PRKD1: variants seen among roughly 807,000 people sequenced by gnomAD.
PRKD1 encodes protein kinase D1.
A neutral mutation model predicts 95.9 loss-of-function variants in PRKD1; 63 were observed. That is an observed-to-expected ratio of 0.66 (90% confidence interval 0.54 to 0.81). PRKD1 has a LOEUF of 0.81. Ranked by LOEUF, PRKD1 falls within the 30% of genes least tolerant of loss-of-function variation. The probability of loss-of-function intolerance (pLI) is 0.00; values close to 1 mark genes in which losing one functional copy is unlikely to be tolerated. For synonymous variants in PRKD1, 425 were observed against 423.1 expected, an observed-to-expected ratio of 1.00 and a Z score of -0.05; for missense variants, 1,048 against 1,165.3, an observed-to-expected ratio of 0.90 and a Z score of 1.47.
chr14:29,596,602 T>A (rs533196284), intron 16 of PRKD1, among the ~76,000 whole-genome samples: 1 of 152,168 alleles, frequency 6.6e-6, no homozygotes, highest in African/African-American at 2.4e-5. Context: ...TACAGGCACG[T>A]GCCACCACGC....
intron 1 of PRKD1, among the ~76,000 whole-genome samples, chr14:29,746,245 A>G (rs1244502215): frequency 2.0e-5 from 3 of 152,156 alleles, no homozygotes; most frequent in Non-Finnish European, 4.4e-5. Context: ...ACTTTAGTTA[A>G]GCAGGGAAAA....
intron 1 of PRKD1, among the ~76,000 whole-genome samples, chr14:29,851,830 T>C (rs1892319826): frequency 6.6e-6 from 1 of 152,136 alleles, no homozygotes; most frequent in African/African-American, 2.4e-5. Flanking sequence ...GGAATCAACG[T>C]AGGCACCCTT....
chr14:29,676,600 G>A (rs752119198), intron 2 of PRKD1, among the ~76,000 whole-genome samples: 4 of 152,196 alleles, frequency 2.6e-5, no homozygotes, highest in Admixed American at 6.5e-5. Flanking sequence ...TGATCTGCCC[G>A]CCTCGGCCTC....
chr14:29,889,529 C>G (rs1010071565), intron 1 of PRKD1, among the ~76,000 whole-genome samples: 16 of 152,106 alleles, frequency 1.1e-4, no homozygotes, highest in African/African-American at 3.6e-4. Flanking sequence ...GAAAATGTGG[C>G]ATATATACAC....
At chr14:29,749,397 C>G (rs45503700) in intron 1 of PRKD1, among the ~76,000 whole-genome samples, 1 of 152,110 alleles carries the variant, frequency 6.6e-6, no homozygotes, top group African/African-American at 2.4e-5. Flanking sequence ...TATATGCCGG[C>G]TATGTCTGTA....
At chr14:29,656,733 A>G (rs923730751) in intron 4 of PRKD1, among the ~76,000 whole-genome samples, 1 of 152,228 alleles carries the variant, frequency 6.6e-6, no homozygotes, top group African/African-American at 2.4e-5. Flanking sequence ...CACTAAGTAA[A>G]AATTGCAAAA....
At chr14:29,859,053 A>T (rs1892610394) in intron 1 of PRKD1, among the ~76,000 whole-genome samples, 1 of 152,228 alleles carries the variant, frequency 6.6e-6, no homozygotes, top group African/African-American at 2.4e-5. Flanking sequence ...AGGTCATACT[A>T]ACTGTTATAA....
intron 4 of PRKD1, among the ~76,000 whole-genome samples, chr14:29,651,309 T>C (rs1881480370): frequency 1.3e-5 from 2 of 152,290 alleles, no homozygotes; most frequent in African/African-American, 4.8e-5. Context: ...TACACAAAAA[T>C]AGATACCACT....
At chr14:29,739,357 T>G (rs1265576751) in intron 1 of PRKD1, among the ~76,000 whole-genome samples, 3 of 152,190 alleles carry the variant, frequency 2.0e-5, no homozygotes. Context: ...TATCTTCTGC[T>G]TAGACCTCTC....
chr14:29,757,570 G>C (rs1433374300), intron 1 of PRKD1, among the ~76,000 whole-genome samples: 2 of 152,028 alleles, frequency 1.3e-5, no homozygotes, highest in African/African-American at 4.8e-5. Flanking sequence ...GAATAGTTCT[G>C]AGTGTCACAA....
intron 1 of PRKD1, among the ~76,000 whole-genome samples, chr14:29,876,716 CAAACAAAAAA>C (rs930196916): frequency 3.8e-4 from 54 of 140,642 alleles, no homozygotes; most frequent in South Asian, 2.2e-4. Flanking sequence ...CAAAAACAAA[CAAACAAAAAA>C]AAACAAAAAA....
chr14:29,920,362 TAAAC>T (rs1729661664), intron 1 of PRKD1, among the ~76,000 whole-genome samples: 2 of 152,114 alleles, frequency 1.3e-5, no homozygotes, highest in Non-Finnish European at 2.9e-5. Context: ...TTTTTCACCT[TAAAC>T]AAGGTGATGG....
intron 1 of PRKD1, among the ~76,000 whole-genome samples, chr14:29,904,954 G>A (rs975692337): frequency 1.3e-5 from 2 of 152,172 alleles, no homozygotes; most frequent in Non-Finnish European, 2.9e-5. Context: ...ATAATTTGTG[G>A]GGAATACGTG....
chr14:29,698,155 A>G (rs1309001427), intron 2 of PRKD1, among the ~76,000 whole-genome samples: 1 of 152,208 alleles, frequency 6.6e-6, no homozygotes, highest in Non-Finnish European at 1.5e-5. Context: ...ATTTGAAATT[A>G]AGTTTTGGAA....
chr14:29,631,128 T>G, intron 9 of PRKD1, 107 bp from the exon 10 acceptor site: 3 of 1,092,506 alleles, frequency 2.7e-6, no homozygotes, highest in Non-Finnish European at 3.9e-6. Flanking sequence ...ATAGCCACCA[T>G]TTAAATAAAA....
intron 4 of PRKD1, among the ~76,000 whole-genome samples, chr14:29,647,448 G>T (rs1274253550): frequency 6.6e-6 from 1 of 152,116 alleles, no homozygotes; most frequent in Non-Finnish European, 1.5e-5. Context: ...CTTCCATTTT[G>T]GGACTTTAAG....
intron 4 of PRKD1, chr14:29,656,504 A>G: frequency 6.5e-7 from 1 of 1,535,720 alleles, no homozygotes; most frequent in Non-Finnish European, 8.7e-7. Flanking sequence ...AGGAGACTGA[A>G]ACATGAAGTT....
chr14:29,719,586 T>C (rs992137251), intron 2 of PRKD1, among the ~76,000 whole-genome samples: 2 of 152,216 alleles, frequency 1.3e-5, no homozygotes, highest in Admixed American at 6.5e-5. Flanking sequence ...CAAGCTCTGG[T>C]GTTACTCCTA....
chr14:29,599,707 T>C lies in PRKD1; in HGVS notation c.2016A>G (p.Ser672=), dbSNP rs765498455. The change falls in exon 14 of 18, where the codon TCA becomes TCG. Residue 672 remains serine, a synonymous_variant. Transcript: ENST00000331968. ...LHGDMLEMIL[S]SEKGRLPEHI... ...GCTCTGGCAACCTGCCCTTTTCACT[T>C]GACAAGATCATTTCCAGCATGTCTC... 6.2e-7 allele frequency: 1 copy of C among 1,613,612 alleles called. No individual in the cohort carries two copies. Among genetic ancestry groups the C allele is most frequent in the South Asian group, 1.1e-5 (1 of 91,054 alleles).
Sources: gnomAD v4.1 joint callset for allele counts (sites outside exome capture counted in the v4.1 genomes callset) on GRCh38, gnomAD v4.1.1 for gene constraint, MANE v1.5 for transcripts, NCBI Gene and HGNC (gene_info 2026-07-23, HGNC 2026-07-21) for gene names.